The following CA10 variants were observed in gnomAD, a reference collection of about 807,000 sequenced individuals.
CA10 encodes the protein carbonic anhydrase-related protein 10.
Under a neutral mutation model 44.2 loss-of-function variants are expected in CA10, and 14 were observed. That is an observed-to-expected ratio of 0.32 (90% CI 0.21 to 0.50). The LOEUF is 0.50. Ranked by LOEUF, CA10 falls within the 20% of genes least tolerant of loss-of-function variation. The probability of loss-of-function intolerance (pLI) is 0.99; values close to 1 mark genes in which losing one functional copy is unlikely to be tolerated. For synonymous variants in CA10, 159 were observed against 141.6 expected, an observed-to-expected ratio of 1.12 and a Z score of -0.87; for missense variants, 350 against 409.7, an observed-to-expected ratio of 0.85 and a Z score of 1.26.
chr17:51,892,825 A>G (rs1598103948), intron 3 of CA10, among the ~76,000 whole-genome samples: 2 of 152,172 alleles, frequency 1.3e-5, no homozygotes, highest in Admixed American at 6.6e-5. Flanking sequence ...ATTTTAGCAC[A>G]ATGGGGAAAA....
intron 2 of CA10, among the ~76,000 whole-genome samples, chr17:52,044,408 AT>A (rs1986852289): frequency 6.6e-6 from 1 of 152,164 alleles, no homozygotes; most frequent in South Asian, 2.1e-4. Flanking sequence ...GGCTCAAGCA[AT>A]CCTCCCACCT....
intron 3 of CA10, among the ~76,000 whole-genome samples, chr17:51,856,080 T>C (rs767137427): frequency 6.6e-6 from 1 of 152,200 alleles, no homozygotes; most frequent in Non-Finnish European, 1.5e-5. Flanking sequence ...CTGAAGAGGG[T>C]ATTAGGAAAG....
chr17:51,714,227 A>C (rs190311887), intron 4 of CA10, among the ~76,000 whole-genome samples: 379 of 152,318 alleles, frequency 2.5e-3, no homozygotes, highest in Non-Finnish European at 4.7e-3. Flanking sequence ...TCTTTCTTAA[A>C]GAGGCAAAGT....
Position 51,703,681 on chromosome 17 carries a change from C to T in CA10, c.465+43952G>A, listed in dbSNP as rs140528076. On this transcript the variant is annotated intron_variant, in intron 4 of 8. Coordinates refer to ENST00000451037, the MANE Select transcript of CA10 (RefSeq NM_020178.5). ...AATGAGGTGTGCGATGTACAAGAGT[C>T]GTGAGGTGGCAAAGGATGGGCTCCT... Among the ~76,000 whole-genome samples, 295 of 152,268 alleles carry T rather than the reference C, an allele frequency of 1.9e-3. 1 individual carries two copies. Among genetic ancestry groups the T allele is most frequent in the Non-Finnish European group, 3.5e-3 (236 of 68,022 alleles).
At chr17:51,842,483 T>C (rs535873446) in intron 3 of CA10, among the ~76,000 whole-genome samples, 22 of 152,342 alleles carry the variant, frequency 1.4e-4, no homozygotes, top group African/African-American at 4.6e-4. Flanking sequence ...CACTGCACCA[T>C]GTCAGATAAC....
intron 1 of CA10, among the ~76,000 whole-genome samples, chr17:52,128,041 A>G (rs1989157438): frequency 6.6e-6 from 1 of 152,220 alleles, no homozygotes; most frequent in Admixed American, 6.5e-5. Flanking sequence ...AGAGGTATGT[A>G]AATCTACCCA....
chr17:51,654,665 T>C (rs1913721757), intron 4 of CA10, among the ~76,000 whole-genome samples: 1 of 152,082 alleles, frequency 6.6e-6, no homozygotes. Flanking sequence ...CAAGTGATTG[T>C]CCTGCCTCAG....
chr17:51,631,362 ATGTATGTGCAAGTGCT>A lies in CA10; in HGVS notation c.*206_*221del. 1 of 601,364 alleles carries A rather than the reference ATGTATGTGCAAGTGCT, an allele frequency of 1.7e-6. No homozygotes were observed. The highest frequency in any genetic ancestry group is 3.0e-6 in the Non-Finnish European group (1 of 333,344). The allele number at this position is 601,364 out of a possible 1,614,324, so 37.3% of individuals were successfully genotyped here. ...TGTAGGTATGTTTGCATGTGTTTGT[ATGTATGTGCAAGTGCT>A]TGTGTGTGTGTTTGTGAGTATGTGT... On this transcript the variant is annotated 3_prime_UTR_variant, in exon 9 of 9. Coordinates refer to ENST00000451037, the MANE Select transcript of CA10 (RefSeq NM_020178.5).
At chr17:52,053,588 G>A (rs555498569) in intron 2 of CA10, among the ~76,000 whole-genome samples, 2 of 152,094 alleles carry the variant, frequency 1.3e-5, no homozygotes, top group South Asian at 4.1e-4. Context: ...ACAAAAGAAT[G>A]GACATTGCTG....
intron 3 of CA10, among the ~76,000 whole-genome samples, chr17:51,925,731 C>T (rs1453333767): frequency 2.0e-5 from 3 of 152,226 alleles, no homozygotes; most frequent in Non-Finnish European, 4.4e-5. Context: ...GTGGTATATA[C>T]ATACAATGGA....
In CA10 at chr17:51,979,269, A is replaced by G. The variant is rs574111774; in HGVS notation, c.137-48137T>C. On this transcript the variant is annotated intron_variant, in intron 2 of 8. Coordinates refer to ENST00000451037, the MANE Select transcript of CA10 (RefSeq NM_020178.5). ...AGAAAAAAGTATTTGCAAAACATAT[A>G]TCTGACAAAGAACTTGTACCCAGAA... Among the ~76,000 whole-genome samples the G allele has an allele frequency of 5.3e-5, 8 of 152,324 alleles. No individual in the cohort carries two copies. The South Asian group carries it at 1.7e-3, about 32-fold the overall frequency.
chr17:51,825,864 C>T (rs1053323762), intron 3 of CA10, among the ~76,000 whole-genome samples: 55 of 152,316 alleles, frequency 3.6e-4, no homozygotes, highest in African/African-American at 1.2e-3. Flanking sequence ...GAACCAGTTG[C>T]CTTCCCTGAT....
At chr17:51,632,984 G>T (rs1468541100) in intron 8 of CA10, among the ~76,000 whole-genome samples, 1 of 152,130 alleles carries the variant, frequency 6.6e-6, no homozygotes, top group Non-Finnish European at 1.5e-5. Flanking sequence ...TAGAGTATTT[G>T]TTCATCTTCT....
intron 2 of CA10, among the ~76,000 whole-genome samples, chr17:51,943,257 T>C (rs939599659): frequency 6.6e-6 from 1 of 152,156 alleles, no homozygotes; most frequent in Non-Finnish European, 1.5e-5. Flanking sequence ...AGAAGCTGGT[T>C]AGGTGCTAGA....
At chr17:51,845,241 C>T (rs1978439895) in intron 3 of CA10, among the ~76,000 whole-genome samples, 1 of 152,198 alleles carries the variant, frequency 6.6e-6, no homozygotes, top group African/African-American at 2.4e-5. Context: ...AGCCCTAGAA[C>T]ATCAGCACAG....
At chr17:51,696,688 G>T (rs1465907802) in intron 4 of CA10, among the ~76,000 whole-genome samples, 1 of 152,012 alleles carries the variant, frequency 6.6e-6, no homozygotes. Context: ...TTGTTAATCT[G>T]AGATCTTTCT....
chr17:52,054,488 G>A lies in CA10; in HGVS notation c.136+17831C>T, dbSNP rs1481452186. ...TCCTGTGGTCCTGTGATCTCACCCT[G>A]CCTCCATTTACCTTGTGATATTTTG... On this transcript the variant is annotated intron_variant, in intron 2 of 8. Coordinates refer to ENST00000451037, the MANE Select transcript of CA10 (RefSeq NM_020178.5). Among the ~76,000 whole-genome samples, 4 of 152,134 alleles carry A rather than the reference G, an allele frequency of 2.6e-5. No individual in the cohort carries two copies. The East Asian group carries it at 5.8e-4, about 22-fold the overall frequency.
rs1352186381 is a variant in CA10, at chr17:51,857,386, C to T, written c.279+73604G>A. Among the ~76,000 whole-genome samples, 4 of 152,176 alleles carry T rather than the reference C, an allele frequency of 2.6e-5. No individual in the cohort carries two copies. In the East Asian group the frequency reaches 7.7e-4, roughly 29 times the overall value. ...TACTCCCACCTGCAGTATACGCCTA[C>T]CACCACATGCTACTGATTTTGGCAG... On this transcript the variant is annotated intron_variant, in intron 3 of 8. Transcript: ENST00000451037.
At chr17:52,040,004 A>G (rs1986723995) in intron 2 of CA10, among the ~76,000 whole-genome samples, 1 of 152,110 alleles carries the variant, frequency 6.6e-6, no homozygotes, top group South Asian at 2.1e-4. Context: ...GAGTTAGAAC[A>G]GGTCTTCTCA....
Sources: gnomAD v4.1 joint callset for allele counts (sites outside exome capture counted in the v4.1 genomes callset) on GRCh38, gnomAD v4.1.1 for gene constraint, MANE v1.5 for transcripts, NCBI Gene and HGNC (gene_info 2026-07-23, HGNC 2026-07-21) for gene names.